ADAMTS5: variants seen among roughly 807,000 people sequenced by gnomAD.
The protein encoded by ADAMTS5 is ADAM metallopeptidase with thrombospondin type 1 motif 5, also known as A disintegrin and metalloproteinase with thrombospondin motifs 5.
ADAMTS5 carries 54 observed loss-of-function variants against 81.4 expected under a neutral mutation model. That is an observed-to-expected ratio of 0.66 (90% CI 0.53 to 0.83). The LOEUF is 0.83. ADAMTS5 is among the 40% of genes least tolerant of loss of function. The pLI is 0.00. For missense variants in ADAMTS5, 1,194 were observed against 1,229.9 expected (o/e 0.97, Z 0.44); for synonymous variants, 532 against 508.8 (o/e 1.05, Z -0.61).
intron 2 of ADAMTS5, among the ~76,000 whole-genome samples, chr21:26,951,422 A>G (rs1987313544): frequency 1.3e-5 from 2 of 152,142 alleles, no homozygotes; most frequent in South Asian, 2.1e-4. Context: ...CGTCATTTTC[A>G]TCGCCATACT....
chr21:26,966,148 A>C lies in ADAMTS5; in HGVS notation c.244T>G (p.Ser82Ala). 6.2e-7 allele frequency: 1 copy of C among 1,611,424 alleles called. No individual in the cohort carries two copies. The highest frequency in any genetic ancestry group is 8.5e-7 in the Non-Finnish European group (1 of 1,179,232). Residue 82 changes from serine to alanine, a missense_variant, in exon 1 of 8, where the codon TCC (serine) becomes GCC (alanine). By Grantham distance (99) the Ser-to-Ala change is moderately conservative (BLOSUM62 1). This residue lies in a region of ADAMTS5 where 498 missense variants were observed against 412.3 expected (regional missense o/e 1.21). Coordinates refer to ENST00000284987, the MANE Select transcript of ADAMTS5 (RefSeq NM_007038.5). ...AGGTAGCCCACCTTGCCGCCGCCGG[A>C]GTAGAGTTGGTCGATGTTCTGCACC... ...GLVQNIDQLY[S>A]GGGKVGYLVY... is the part of the protein sequence containing the mutation.
At chr21:26,933,191 T>C in intron 4 of ADAMTS5, 147 bp from the exon 5 acceptor site, 1 of 885,290 alleles carries the variant, frequency 1.1e-6, no homozygotes, top group Non-Finnish European at 1.7e-6. Flanking sequence ...TGATCATGCT[T>C]TGGAAATGCA....
At chr21:26,934,862 A>AATCTGT (rs1270281546) in intron 3 of ADAMTS5, 113 bp from the exon 4 acceptor site, 2 of 1,368,236 alleles carry the variant, frequency 1.5e-6, no homozygotes, top group Non-Finnish European at 2.0e-6. Context: ...GGCACCCATG[A>AATCTGT]ATCTGTAGTG....
chr21:26,962,894 G>T (rs568551478), intron 1 of ADAMTS5, among the ~76,000 whole-genome samples: 1 of 151,672 alleles, frequency 6.6e-6, no homozygotes, highest in Non-Finnish European at 1.5e-5. Context: ...GAAGTATTAG[G>T]CAAAGTTCAC....
intron 3 of ADAMTS5, among the ~76,000 whole-genome samples, chr21:26,937,905 C>G (rs1987043426): frequency 6.6e-6 from 1 of 152,118 alleles, no homozygotes; most frequent in South Asian, 2.1e-4. Flanking sequence ...CTCCTTCTTC[C>G]TTTTGTTTTA....
At chr21:26,958,353 A>G (rs1987466264) in intron 1 of ADAMTS5, among the ~76,000 whole-genome samples, 1 of 152,076 alleles carries the variant, frequency 6.6e-6, no homozygotes, top group South Asian at 2.1e-4. Flanking sequence ...AGCTCAAGGG[A>G]AGAGCACATA....
At chr21:26,947,414 ATTTTCTTTTTTTCT>A (rs1337248478) in intron 2 of ADAMTS5, among the ~76,000 whole-genome samples, 1 of 150,848 alleles carries the variant, frequency 6.6e-6, no homozygotes, top group Non-Finnish European at 1.5e-5. Context: ...AACTATATTT[ATTTTCTTTTTTTCT>A]TTTTCTTTTT....
At position 26,957,174 on chromosome 21, in the gene ADAMTS5, C is replaced by T. The variant is rs540791201; in HGVS notation, c.1105-2303G>A. Among the ~76,000 whole-genome samples, 22 of 152,268 alleles carry T rather than the reference C, an allele frequency of 1.4e-4. No homozygotes were observed. The South Asian group carries it at 4.1e-3, about 29-fold the overall frequency. On this transcript the variant is annotated intron_variant, in intron 1 of 7. Transcript: ENST00000284987. Reference sequence around the variant, plus strand: ...ATTTCAATGAATTAAAACTAATGTGCGTCAAATTGTTAAGAATACAGCATC... The same window carrying T: ...ATTTCAATGAATTAAAACTAATGTGTGTCAAATTGTTAAGAATACAGCATC...
In ADAMTS5 at chr21:26,965,284, C is replaced by T. The variant is rs1987616018; in HGVS notation, c.1104+4G>A. 1 of 1,604,928 alleles carries T rather than the reference C, an allele frequency of 6.2e-7. No homozygotes were observed. Among genetic ancestry groups the T allele is most frequent in the Non-Finnish European group, 8.5e-7 (1 of 1,173,262 alleles). ...TGGGACCCCCGCATCCCGGCTGGAC[C>T]TACCTCCCGAGTAAACAGGATAGCT... is the stretch of plus-strand genomic sequence containing the variant. On this transcript the variant is annotated splice_donor_region_variant and intron_variant, in intron 1 of 7. Coordinates refer to ENST00000284987, the MANE Select transcript of ADAMTS5 (RefSeq NM_007038.5).
chr21:26,927,090 C>T (rs1404486700), intron 7 of ADAMTS5, among the ~76,000 whole-genome samples: 2 of 152,134 alleles, frequency 1.3e-5, no homozygotes, highest in Admixed American at 6.5e-5. Flanking sequence ...AGACACTAAC[C>T]AGCTTTCCCG....
At chr21:26,943,228 A>T in intron 3 of ADAMTS5, 152 bp downstream of exon 3, 1 of 787,394 alleles carries the variant, frequency 1.3e-6, no homozygotes, top group East Asian at 2.8e-5. Flanking sequence ...ACATACCCAC[A>T]TATGATCAAT....
chr21:26,946,762 G>A (rs1417937654), intron 2 of ADAMTS5, among the ~76,000 whole-genome samples: 1 of 152,190 alleles, frequency 6.6e-6, no homozygotes, highest in Non-Finnish European at 1.5e-5. Context: ...ATTACATGAT[G>A]AGTTTTTAGA....
rs1482748884 is a variant in ADAMTS5 at position 26,932,033 on chromosome 21, T to C, written c.2020A>G (p.Thr674Ala). ...GGAGAAAATACCACATAGTAGCCAG[T>C]GCCCTTGGCTCTGCAGGTCAGCTTG... is the stretch of plus-strand genomic sequence containing the variant. ...VCKLTCRAKGTGYYVVFSPKV... is the reference protein window; with the variant it reads ...VCKLTCRAKGAGYYVVFSPKV... The change falls in exon 6 of 8, where the codon ACT becomes GCT. Residue 674 changes from threonine to alanine, a missense_variant. By Grantham distance (58) the Thr-to-Ala change is moderately conservative. This residue lies in a region of ADAMTS5 where 696 missense variants were observed against 817.6 expected (regional missense o/e 0.85). Coordinates refer to ENST00000284987, the MANE Select transcript of ADAMTS5 (RefSeq NM_007038.5). 11 of 1,613,854 alleles carry C rather than the reference T, an allele frequency of 6.8e-6. No individual in the cohort carries two copies. The highest frequency in any genetic ancestry group is 1.3e-5 in the African/African-American group (1 of 74,944).
In ADAMTS5 at chr21:26,918,742, TAAAG is replaced by T. The variant is rs1986630179; in HGVS notation, c.*5307_*5310del. On this transcript the variant is annotated 3_prime_UTR_variant, in exon 8 of 8. Transcript: ENST00000284987. ...GTGTTTCTAATATATTGTGAGTTGT[TAAAG>T]AAAAGGCTGAGATATAGTCACCAAG... 1 of 151,874 alleles carries T rather than the reference TAAAG, an allele frequency of 6.6e-6. No individual in the cohort carries two copies. The highest frequency in any genetic ancestry group is 2.1e-4 in the South Asian group (1 of 4,820). 9.4% of individuals were successfully genotyped at this position (151,874 alleles called of 1,614,324 possible).
rs567857067 is a variant in ADAMTS5, at chr21:26,924,586, C to G, written c.2260G>C (p.Gly754Arg). The stretch of plus-strand genomic sequence containing the variant: ...TGTCGAACTTTTATGTGGGTTGCCC[C>G]TTCAGGAATCCTCACCACGTCAGTG... ...GYTDVVRIPEGATHIKVRQFK... is the reference protein window; with the variant it reads ...GYTDVVRIPERATHIKVRQFK... Residue 754 changes from glycine (G) to arginine (R), a missense_variant, in exon 8 of 8, where the codon GGG (glycine) becomes CGG (arginine). By Grantham distance (125) the Gly-to-Arg change is moderately radical (BLOSUM62 -2). Coordinates refer to ENST00000284987, the MANE Select transcript of ADAMTS5 (RefSeq NM_007038.5). 1 of 1,613,776 alleles carries G rather than the reference C, an allele frequency of 6.2e-7. No homozygotes were observed. Among genetic ancestry groups the G allele is most frequent in the South Asian group, 1.1e-5 (1 of 91,018 alleles).
rs560745302 is a variant in ADAMTS5 at position 26,940,743 on chromosome 21, C to T, written c.1405+2637G>A. 1.5e-3 allele frequency among the ~76,000 whole-genome samples: 222 copies of T among 152,174 alleles called. 2 individuals carry two copies. The highest frequency in any genetic ancestry group is 5.3e-3 in the African/African-American group (219 of 41,530). ...ATATAGTTTTGTGACATCGTTTAGT[C>T]TTCTAACAAAGATGCATCTTTGTTA... is the stretch of plus-strand genomic sequence containing the variant. On this transcript the variant is annotated intron_variant, in intron 3 of 7. Coordinates refer to ENST00000284987, the MANE Select transcript of ADAMTS5 (RefSeq NM_007038.5).
intron 1 of ADAMTS5, among the ~76,000 whole-genome samples, chr21:26,959,508 C>G (rs890903354): frequency 4.6e-5 from 7 of 152,146 alleles, no homozygotes; most frequent in Non-Finnish European, 7.3e-5. Context: ...TTTGTTAAGT[C>G]ATCACATACG....
intron 2 of ADAMTS5, among the ~76,000 whole-genome samples, chr21:26,951,667 G>A (rs1987318741): frequency 1.9e-5 from 2 of 104,066 alleles, no homozygotes; most frequent in Admixed American, 1.3e-4. Context: ...CAACAAGAGT[G>A]ACCCTCCATC....
At position 26,962,347 on chromosome 21, in the gene ADAMTS5, A is replaced by G. The variant is rs140003469; in HGVS notation, c.1104+2941T>C. Among the ~76,000 whole-genome samples the G allele has an allele frequency of 2.0e-5, 3 of 152,312 alleles. No individual in the cohort carries two copies. The East Asian group carries it at 5.8e-4, about 29-fold the overall frequency. On this transcript the variant is annotated intron_variant, in intron 1 of 7. Transcript: ENST00000284987. ...TGGATTTCTACTGTTTGATGGCAGA[A>G]GTGGTGTGAATTCCAGCATTAGTGC...
Sources: gnomAD v4.1 joint callset for allele counts (sites outside exome capture counted in the v4.1 genomes callset) on GRCh38, gnomAD v4.1.1 for gene constraint, gnomAD v4.1.1 regional missense constraint, MANE v1.5 for transcripts, NCBI Gene and HGNC (gene_info 2026-07-23, HGNC 2026-07-21) for gene names.